Variants in IQGAP2 observed in about 807,000 individuals in gnomAD.
IQGAP2 encodes the protein ras GTPase-activating-like protein IQGAP2.
Under a neutral mutation model 201.3 loss-of-function variants are expected in IQGAP2, and 173 were observed. That is an observed-to-expected ratio of 0.86 (90% CI 0.76 to 0.98). The LOEUF is 0.98. Ranked by LOEUF, IQGAP2 falls within the 50% of genes least tolerant of loss-of-function variation. The pLI is 0.00. For missense variants in IQGAP2, 1,687 were observed against 1,864.8 expected, an observed-to-expected ratio of 0.90 and a Z score of 1.76; for synonymous variants, 675 against 673.9, an observed-to-expected ratio of 1.00 and a Z score of -0.03.
chr5:76,665,256 A>T, intron 22 of IQGAP2, 81 bp downstream of exon 22: 1 of 1,229,196 alleles, frequency 8.1e-7, no homozygotes. Context: ...GTATTTTGTC[A>T]TGCTTCAGCT....
intron 13 of IQGAP2, among the ~76,000 whole-genome samples, chr5:76,625,839 G>A (rs1036537325): frequency 6.6e-6 from 1 of 152,156 alleles, no homozygotes; most frequent in African/African-American, 2.4e-5. Context: ...CTTGACTTAG[G>A]ATTTAGAACA....
chr5:76,609,756 T>C (rs1748112377), intron 12 of IQGAP2, among the ~76,000 whole-genome samples: 1 of 151,884 alleles, frequency 6.6e-6, no homozygotes, highest in Non-Finnish European at 1.5e-5. Flanking sequence ...AATATCTAGT[T>C]TCTTTAACAG....
chr5:76,668,368 A>G (rs1221630503), intron 22 of IQGAP2, among the ~76,000 whole-genome samples: 1 of 147,910 alleles, frequency 6.8e-6, no homozygotes, highest in Non-Finnish European at 1.5e-5. Flanking sequence ...TTCCTATAGT[A>G]TGATATGAAT....
At chr5:76,642,851 G>A (rs1751705243) in intron 17 of IQGAP2, among the ~76,000 whole-genome samples, 1 of 152,188 alleles carries the variant, frequency 6.6e-6, no homozygotes, top group African/African-American at 2.4e-5. Flanking sequence ...GAAATGAGTA[G>A]TGGTACAGAG....
intron 2 of IQGAP2, among the ~76,000 whole-genome samples, chr5:76,532,180 T>C (rs1055595801): frequency 6.6e-6 from 1 of 152,234 alleles, no homozygotes; most frequent in East Asian, 1.9e-4. Flanking sequence ...TGTGTTTATG[T>C]AAATAAATGT....
At chr5:76,654,899 T>C (rs1752790227) in intron 19 of IQGAP2, 35 bp from the exon 20 acceptor site, 1 of 1,416,902 alleles carries the variant, frequency 7.1e-7, no homozygotes, top group Non-Finnish European at 1.0e-6. Flanking sequence ...TAGGTGGGAC[T>C]CTGGGAGATC....
intron 5 of IQGAP2, among the ~76,000 whole-genome samples, chr5:76,576,122 TATATC>T (rs1231507120): frequency 1.3e-5 from 2 of 152,198 alleles, no homozygotes; most frequent in African/African-American, 4.8e-5. Context: ...ATAATGCAGA[TATATC>T]AAATGAGCAA....
At chr5:76,576,845 A>G (rs906805904) in intron 5 of IQGAP2, among the ~76,000 whole-genome samples, 12 of 152,220 alleles carry the variant, frequency 7.9e-5, no homozygotes, top group Admixed American at 7.9e-4. Context: ...AAAAAAAGAA[A>G]AACAGCAACA....
At chr5:76,697,023 A>G (rs2150548460) in intron 32 of IQGAP2, among the ~76,000 whole-genome samples, 1 of 152,312 alleles carries the variant, frequency 6.6e-6, no homozygotes, top group East Asian at 1.9e-4. Flanking sequence ...TTAAACAGGC[A>G]CCGTTTTCTT....
chr5:76,611,007 C>T lies in IQGAP2; in HGVS notation c.1358-13C>T. ...CTGTGACTTAAAAGGAAAACTACTT[C>T]TTCATTTTCTAGGAGTTGTAGCTGT... On this transcript the variant is annotated splice_polypyrimidine_tract_variant and intron_variant, in intron 12 of 35. Coordinates refer to ENST00000274364, the MANE Select transcript of IQGAP2 (RefSeq NM_006633.5). 1.9e-6 allele frequency: 3 copies of T among 1,596,320 alleles called. No homozygotes were observed. The highest frequency in any genetic ancestry group is 2.6e-6 in the Non-Finnish European group (3 of 1,172,582).
At chr5:76,529,455 C>T (rs1759151185) in intron 2 of IQGAP2, among the ~76,000 whole-genome samples, 1 of 151,850 alleles carries the variant, frequency 6.6e-6, no homozygotes, top group Non-Finnish European at 1.5e-5. Flanking sequence ...TGGTGAAACC[C>T]CATCTCTACT....
chr5:76,488,392 G>T (rs867709960), intron 2 of IQGAP2, among the ~76,000 whole-genome samples: 1 of 151,970 alleles, frequency 6.6e-6, no homozygotes, highest in Non-Finnish European at 1.5e-5. Flanking sequence ...ATTATTGGTT[G>T]TTTTTTTCTT....
chr5:76,603,346 T>G (rs1747563994), intron 11 of IQGAP2, among the ~76,000 whole-genome samples: 1 of 152,252 alleles, frequency 6.6e-6, no homozygotes, highest in African/African-American at 2.4e-5. Flanking sequence ...GGTAGCATGA[T>G]GTGGTTAAAG....
chr5:76,429,593 T>TATATATTTATATATATACATATATAA (rs1752228815), intron 1 of IQGAP2, among the ~76,000 whole-genome samples: 3 of 127,722 alleles, frequency 2.3e-5, no homozygotes, highest in Non-Finnish European at 3.6e-5. Flanking sequence ...TATATATATA[T>TATATATTTATATATATACATATATAA]ATATGTATAT....
chr5:76,511,688 T>TTTG (rs1321511967), intron 2 of IQGAP2, among the ~76,000 whole-genome samples: 21 of 146,954 alleles, frequency 1.4e-4, no homozygotes, highest in African/African-American at 4.9e-4. Context: ...TTTGTTTTGT[T>TTTG]TTTTTTTTTT....
intron 2 of IQGAP2, among the ~76,000 whole-genome samples, chr5:76,517,033 C>T (rs866996822): frequency 2.0e-5 from 3 of 151,982 alleles, no homozygotes; most frequent in South Asian, 4.1e-4. Context: ...AATTAACAGT[C>T]GGTAAGAGAG....
At chr5:76,666,617 ACT>A (rs1369134919) in intron 22 of IQGAP2, among the ~76,000 whole-genome samples, 1 of 152,110 alleles carries the variant, frequency 6.6e-6, no homozygotes, top group Non-Finnish European at 1.5e-5. Context: ...TATCAAGTGA[ACT>A]CTCTCTTGAA....
intron 12 of IQGAP2, among the ~76,000 whole-genome samples, chr5:76,608,540 AT>A (rs963900134): frequency 2.0e-4 from 31 of 152,174 alleles, no homozygotes; most frequent in Non-Finnish European, 3.7e-4. Context: ...AGAATTTTTC[AT>A]GGACGTTTTG....
intron 20 of IQGAP2, among the ~76,000 whole-genome samples, chr5:76,656,812 C>T (rs1285598451): frequency 2.0e-5 from 3 of 150,892 alleles, no homozygotes; most frequent in East Asian, 3.9e-4. Context: ...AAATTGGGTG[C>T]TTTTATGGTA....
Sources: allele counts gnomAD v4.1 joint callset (sites outside exome capture counted in the v4.1 genomes callset), GRCh38; gene constraint gnomAD v4.1.1; transcripts MANE v1.5; gene names NCBI Gene and HGNC (gene_info 2026-07-23, HGNC 2026-07-21).